The following BICD2 variants were observed in gnomAD, a reference collection of about 807,000 sequenced individuals.
The protein encoded by BICD2 is BICD cargo adaptor 2.
A neutral mutation model predicts 72.9 loss-of-function variants in BICD2; 25 were observed. The observed-to-expected ratio is 0.34, with a 90% CI of 0.25 to 0.48. BICD2 has a LOEUF of 0.48. Among genes scored for constraint, BICD2 ranks in the 20% least tolerant of loss-of-function variants. BICD2 has a pLI of 0.99. For synonymous variants in BICD2, 501 were observed against 516.1 expected, an observed-to-expected ratio of 0.97 and a Z score of 0.40; for missense variants, 894 against 1,175.2, an observed-to-expected ratio of 0.76 and a Z score of 3.50.
chr9:92,722,867 C>A, intron 2 of BICD2, 59 bp from the exon 3 acceptor site: 2 of 1,602,774 alleles, frequency 1.2e-6, no homozygotes, highest in South Asian at 1.1e-5. Context: ...GAGAGGGGCT[C>A]AGTGCAGCCA....
intron 1 of BICD2, among the ~76,000 whole-genome samples, chr9:92,741,236 AC>A (rs1347737399): frequency 6.6e-6 from 1 of 152,188 alleles, no homozygotes; most frequent in Non-Finnish European, 1.5e-5. Flanking sequence ...TCATGGACCA[AC>A]TCCACGCCCA....
chr9:92,730,112 A>AT (rs1427017524), intron 1 of BICD2, among the ~76,000 whole-genome samples: 3 of 152,100 alleles, frequency 2.0e-5, no homozygotes, highest in Admixed American at 1.3e-4. Context: ...CTACCCCCAC[A>AT]TAGCTGGCGT....
At chr9:92,734,530 AAG>A (rs1554707109) in intron 1 of BICD2, among the ~76,000 whole-genome samples, 4 of 150,636 alleles carry the variant, frequency 2.7e-5, no homozygotes, top group Non-Finnish European at 5.9e-5. Flanking sequence ...AAAAAAAAAA[AAG>A]AGAGAAGACA....
intron 1 of BICD2, among the ~76,000 whole-genome samples, chr9:92,757,964 G>A (rs996489265): frequency 3.3e-5 from 5 of 152,242 alleles, no homozygotes; most frequent in Non-Finnish European, 7.4e-5. Flanking sequence ...AGCACTTTGG[G>A]AGGCTGAGGC....
chr9:92,742,848 A>G (rs544279443), intron 1 of BICD2, among the ~76,000 whole-genome samples: 93 of 152,200 alleles, frequency 6.1e-4, no homozygotes, highest in Non-Finnish European at 1.1e-3. Flanking sequence ...CACTAAGCAT[A>G]ATGTTTTCAA....
intron 2 of BICD2, among the ~76,000 whole-genome samples, chr9:92,728,713 A>G (rs1853617579): frequency 1.3e-5 from 2 of 152,338 alleles, no homozygotes; most frequent in Non-Finnish European, 2.9e-5. Flanking sequence ...TAGCCTCCAC[A>G]AGGGGCTAAC....
intron 1 of BICD2, among the ~76,000 whole-genome samples, chr9:92,748,042 T>G (rs1202761827): frequency 6.6e-6 from 1 of 152,028 alleles, no homozygotes; most frequent in Non-Finnish European, 1.5e-5. Context: ...TACGGCTGAG[T>G]GAGGCTAGGA....
At chr9:92,748,503 G>A (rs1176243498) in intron 1 of BICD2, among the ~76,000 whole-genome samples, 2 of 152,092 alleles carry the variant, frequency 1.3e-5, no homozygotes, top group Admixed American at 1.3e-4. Flanking sequence ...AGACTAGTCA[G>A]CTCCACATGC....
Position 92,717,959 on chromosome 9 carries a change from G to C in BICD2, c.2107-11C>G. ...GGCCACCTCGGCCGTCTGGGGGACA[G>C]ATGTGTAGGGTGGAAAAGTGAAAGG... On this transcript the variant is annotated splice_polypyrimidine_tract_variant and intron_variant, in intron 5 of 6. Transcript: ENST00000356884. The C allele has an allele frequency of 6.2e-7, 1 of 1,611,290 alleles. No individual in the cohort carries two copies. Among genetic ancestry groups the C allele is most frequent in the East Asian group, 2.2e-5 (1 of 44,860 alleles).
chr9:92,723,100 G>A (rs766842917), intron 2 of BICD2, among the ~76,000 whole-genome samples: 2 of 152,202 alleles, frequency 1.3e-5, no homozygotes, highest in Non-Finnish European at 2.9e-5. Flanking sequence ...GGGGTTAAAA[G>A]TAGTTCCTGC....
intron 1 of BICD2, among the ~76,000 whole-genome samples, chr9:92,749,057 G>C (rs1345313043): frequency 6.6e-6 from 1 of 152,116 alleles, no homozygotes; most frequent in Non-Finnish European, 1.5e-5. Context: ...AGCCTCACCT[G>C]GCAGGTAGAC....
intron 1 of BICD2, among the ~76,000 whole-genome samples, chr9:92,740,487 A>G (rs755791965): frequency 1.3e-5 from 2 of 151,938 alleles, no homozygotes; most frequent in South Asian, 4.1e-4. Flanking sequence ...GAAACAAATC[A>G]TATCAAAACT....
chr9:92,737,915 G>C (rs548380497), intron 1 of BICD2, among the ~76,000 whole-genome samples: 1 of 152,202 alleles, frequency 6.6e-6, no homozygotes, highest in East Asian at 1.9e-4. Context: ...GCCAGAAGGA[G>C]AACTAGGTCC....
intron 1 of BICD2, among the ~76,000 whole-genome samples, chr9:92,748,595 C>T (rs1303234285): frequency 6.6e-6 from 1 of 152,074 alleles, no homozygotes; most frequent in East Asian, 1.9e-4. Context: ...AATGACCCAC[C>T]CAGTGGGATC....
chr9:92,714,933 C>G lies in BICD2; in HGVS notation c.*221G>C. The G allele has an allele frequency of 7.3e-7, 1 of 1,364,162 alleles. No individual in the cohort carries two copies. The highest frequency in any genetic ancestry group is 9.4e-7 in the Non-Finnish European group (1 of 1,061,638). The allele number at this position is 1,364,162 out of a possible 1,614,324, so 84.5% of individuals were successfully genotyped here. ...CACCTCTGACCCCCACCTAAGAGAG[C>G]AGCTGAGGACTGGGTGCTCCTGAGG... On this transcript the variant is annotated 3_prime_UTR_variant, in exon 7 of 7. Transcript: ENST00000356884.
In BICD2 at chr9:92,764,791, G is replaced by T. The variant is rs748812717; in HGVS notation, c.-47C>A. 172 of 1,362,288 alleles carry T rather than the reference G, an allele frequency of 1.3e-4. No homozygotes were observed. The highest frequency in any genetic ancestry group is 1.5e-4 in the Non-Finnish European group (162 of 1,057,702). 84.4% of individuals were successfully genotyped at this position (1,362,288 alleles called of 1,614,324 possible). A position where few individuals can be genotyped will look rare whatever the true frequency, so the allele number is the denominator to read the frequency against. The stretch of plus-strand genomic sequence containing the variant: ...CTCCCACTGAGGCTCTCGCAGGCCG[G>T]GCCCTCCTCAGCCGCCGCCGCTGCC... On this transcript the variant is annotated 5_prime_UTR_variant, in exon 1 of 7. Transcript: ENST00000356884. This position sits in a 1 kb window ranked among gnomAD's most constrained non-coding sequence, Gnocchi z 5.5.
Position 92,720,063 on chromosome 9 carries a change from C to T in BICD2, c.1062+237G>A, listed in dbSNP as rs1484644057. On this transcript the variant is annotated intron_variant, in intron 4 of 6. Transcript: ENST00000356884. This position sits in a 1 kb window ranked among gnomAD's most constrained non-coding sequence, Gnocchi z 5.4. ...TGGGCCAGTGTCTCATCACTTCACC[C>T]TGACACCACGTAGTTAACAGGGGAG... 6.6e-6 allele frequency among the ~76,000 whole-genome samples: 1 copy of T among 152,232 alleles called. No individual in the cohort carries two copies. Among genetic ancestry groups the T allele is most frequent in the Non-Finnish European group, 1.5e-5 (1 of 68,032 alleles).
intron 5 of BICD2, among the ~76,000 whole-genome samples, 169 bp from the exon 6 acceptor site, chr9:92,718,117 C>T (rs910809310): frequency 7.9e-5 from 12 of 152,204 alleles, no homozygotes; most frequent in South Asian, 2.1e-4. Context: ...CCAGCAGCTA[C>T]GCCATGGGGA....
intron 1 of BICD2, among the ~76,000 whole-genome samples, chr9:92,752,444 T>C (rs967551281): frequency 6.6e-6 from 1 of 151,990 alleles, no homozygotes; most frequent in East Asian, 1.9e-4. Flanking sequence ...CAAAATGAGG[T>C]AATGTTGGAT....
Sources: allele counts gnomAD v4.1 joint callset (sites outside exome capture counted in the v4.1 genomes callset), GRCh38; gene constraint gnomAD v4.1.1; non-coding constraint Gnocchi (gnomAD v3.1); transcripts MANE v1.5; gene names NCBI Gene and HGNC (gene_info 2026-07-23, HGNC 2026-07-21).